The following MND1 variants were observed in gnomAD, a reference collection of about 807,000 sequenced individuals.
The protein encoded by MND1 is meiotic nuclear divisions 1.
Under a neutral mutation model 35.1 loss-of-function variants are expected in MND1, and 28 were observed. That is an observed-to-expected ratio of 0.80 (90% CI 0.59 to 1.09). MND1 has a LOEUF of 1.09. MND1 is among the 50% of genes least tolerant of loss of function. The pLI is 0.00. For synonymous variants in MND1, 69 were observed against 70.5 expected (o/e 0.98, Z 0.11); for missense variants, 213 against 239.6 (o/e 0.89, Z 0.73).
intron 2 of MND1, among the ~76,000 whole-genome samples, chr4:153,351,208 G>A (rs1773210663): frequency 6.6e-6 from 1 of 152,114 alleles, no homozygotes; most frequent in African/African-American, 2.4e-5. Flanking sequence ...GAGAGTGGTT[G>A]GGGAAATTAT....
chr4:153,359,779 C>CTTTT (rs34112305), intron 4 of MND1, among the ~76,000 whole-genome samples: 32 of 62,142 alleles, frequency 5.1e-4, no homozygotes, highest in African/African-American at 1.3e-3. Flanking sequence ...TTTGGAAGAT[C>CTTTT]TTTTTTTTTT....
At chr4:153,385,649 G>GGGGTTGCA (rs1199685404) in intron 4 of MND1, among the ~76,000 whole-genome samples, 4 of 151,378 alleles carry the variant, frequency 2.6e-5, no homozygotes, top group Non-Finnish European at 5.9e-5. Flanking sequence ...TTAGGAGGTC[G>GGGGTTGCA]GGGTTGCAGT....
chr4:153,413,692 A>T (rs960667666), intron 7 of MND1, among the ~76,000 whole-genome samples: 1 of 151,822 alleles, frequency 6.6e-6, no homozygotes. Context: ...AAGGGGAAAA[A>T]AAAAAAAAGG....
chr4:153,389,442 C>A (rs547392344), intron 4 of MND1, among the ~76,000 whole-genome samples: 5 of 152,108 alleles, frequency 3.3e-5, no homozygotes, highest in Non-Finnish European at 7.3e-5. Context: ...CTCACTGCAA[C>A]CTCTGCCTCC....
At chr4:153,365,210 G>A (rs983637789) in intron 4 of MND1, among the ~76,000 whole-genome samples, 3 of 152,166 alleles carry the variant, frequency 2.0e-5, no homozygotes, top group Non-Finnish European at 4.4e-5. Context: ...GAGAGCTGGC[G>A]AAGTAAATAA....
At chr4:153,374,003 A>G (rs1467117805) in intron 4 of MND1, among the ~76,000 whole-genome samples, 3 of 152,200 alleles carry the variant, frequency 2.0e-5, no homozygotes, top group African/African-American at 7.2e-5. Flanking sequence ...GAAAGCAGAC[A>G]TGGATGGAAA....
chr4:153,394,368 T>C, intron 5 of MND1, 32 bp downstream of exon 5: 1 of 1,555,494 alleles, frequency 6.4e-7, no homozygotes, highest in South Asian at 1.1e-5. Flanking sequence ...ATTTTAATAA[T>C]GGCAATTCTA....
intron 1 of MND1, among the ~76,000 whole-genome samples, chr4:153,346,133 TTTGA>T (rs1438880165): frequency 6.6e-6 from 1 of 152,194 alleles, no homozygotes; most frequent in Non-Finnish European, 1.5e-5. Flanking sequence ...AAGGTAAACT[TTTGA>T]TTGATTATGA....
chr4:153,390,957 T>G (rs1729014941), intron 4 of MND1, among the ~76,000 whole-genome samples: 1 of 149,296 alleles, frequency 6.7e-6, no homozygotes, highest in Non-Finnish European at 1.5e-5. Context: ...AAAATGTTCT[T>G]TAATTATTGG....
intron 4 of MND1, among the ~76,000 whole-genome samples, chr4:153,359,214 A>C (rs1381778846): frequency 6.6e-6 from 1 of 152,198 alleles, no homozygotes; most frequent in Non-Finnish European, 1.5e-5. Flanking sequence ...TCTTCTCCCG[A>C]AACCGTAGCA....
rs370799196 is a variant in MND1 at position 153,414,915 on chromosome 4, T to G, written c.*58T>G. The G allele has an allele frequency of 4.3e-5, 31 of 717,900 alleles. No homozygotes were observed. In the East Asian group the frequency reaches 8.6e-4, roughly 20 times the overall value. 44.5% of individuals were successfully genotyped at this position (717,900 alleles called of 1,614,324 possible). ...TGTGAATATGTAAATTTTAAACTAT[T>G]ATCTAACTAAGTGTACTGAATTGTC... On this transcript the variant is annotated 3_prime_UTR_variant, in exon 8 of 8. Coordinates refer to ENST00000240488, the MANE Select transcript of MND1 (RefSeq NM_032117.4).
chr4:153,398,081 T>C (rs1729248803), intron 6 of MND1, among the ~76,000 whole-genome samples: 1 of 152,170 alleles, frequency 6.6e-6, no homozygotes, highest in Non-Finnish European at 1.5e-5. Flanking sequence ...GTACATTGAG[T>C]TGCCTTTTAA....
chr4:153,414,813 G>A lies in MND1; in HGVS notation c.574G>A (p.Asp192Asn), dbSNP rs574364942. 16 of 1,563,484 alleles carry A rather than the reference G, an allele frequency of 1.0e-5. No homozygotes were observed. The South Asian group carries it at 1.9e-4, about 19-fold the overall frequency. The change falls in exon 8 of 8, where the codon GAT becomes AAT. Residue 192 changes from aspartate (D) to asparagine (N), a missense_variant. Coordinates refer to ENST00000240488, the MANE Select transcript of MND1 (RefSeq NM_032117.4). ...ATTTGGGTTTGAAGAAAATAAAATT[G>A]ATAGAACTTTTGGAATTCCAGAAGA... Reference protein sequence around the residue: ...RKFGFEENKIDRTFGIPEDFD... With the variant: ...RKFGFEENKINRTFGIPEDFD...
At chr4:153,366,076 T>C (rs1001246282) in intron 4 of MND1, among the ~76,000 whole-genome samples, 1 of 152,230 alleles carries the variant, frequency 6.6e-6, no homozygotes, top group Non-Finnish European at 1.5e-5. Context: ...TAATCTTCCT[T>C]GCCTCTTTCA....
At chr4:153,399,742 T>C (rs558987629) in intron 6 of MND1, among the ~76,000 whole-genome samples, 135 of 152,304 alleles carry the variant, frequency 8.9e-4, no homozygotes, top group African/African-American at 3.1e-3. Context: ...TGCATTCTGC[T>C]GTCTATCTTA....
intron 4 of MND1, among the ~76,000 whole-genome samples, chr4:153,392,554 A>C (rs1020791388): frequency 6.6e-6 from 1 of 152,216 alleles, no homozygotes; most frequent in Non-Finnish European, 1.5e-5. Context: ...TGTAATTTCT[A>C]ACTAGTTTAT....
chr4:153,400,112 A>G (rs1390731453), intron 6 of MND1, among the ~76,000 whole-genome samples: 1 of 151,652 alleles, frequency 6.6e-6, no homozygotes, highest in Non-Finnish European at 1.5e-5. Context: ...GTCTCGCTAT[A>G]TTGCCCAGCT....
intron 4 of MND1, among the ~76,000 whole-genome samples, chr4:153,373,751 G>A (rs555499807): frequency 2.0e-5 from 3 of 152,310 alleles, no homozygotes; most frequent in African/African-American, 7.2e-5. Context: ...AATAAATGAA[G>A]AGCAAGGTTT....
At chr4:153,396,044 A>C (rs1225693168) in intron 5 of MND1, among the ~76,000 whole-genome samples, 1 of 152,124 alleles carries the variant, frequency 6.6e-6, no homozygotes, top group Non-Finnish European at 1.5e-5. Context: ...CTTTTGAAGC[A>C]TTTTTATTTG....
Sources: allele counts gnomAD v4.1 joint callset (sites outside exome capture counted in the v4.1 genomes callset), GRCh38; gene constraint gnomAD v4.1.1; transcripts MANE v1.5; gene names NCBI Gene and HGNC (gene_info 2026-07-23, HGNC 2026-07-21).